The following GSE1 variants were observed in gnomAD, a reference collection of about 807,000 sequenced individuals.
GSE1 encodes the protein genetic suppressor element 1.
GSE1 carries 32 observed loss-of-function variants against 112.6 expected under a neutral mutation model. That is an observed-to-expected ratio of 0.28 (90% CI 0.21 to 0.38). The LOEUF is 0.38. GSE1 is among the 10% of genes least tolerant of loss of function. The pLI is 1.00. For synonymous variants in GSE1, 1,115 were observed against 735.6 expected (o/e 1.52, Z -8.35); for missense variants, 2,348 against 1,699.2 (o/e 1.38, Z -6.71).
intron 1 of GSE1, chr16:85,580,376 G>T (rs2046398746): frequency 6.6e-6 from 1 of 152,276 alleles, no homozygotes. Flanking sequence ...GCCTTGGGCA[G>T]CAGCCGGCCA....
Position 85,657,285 on chromosome 16 carries a change from A to G in GSE1, c.1321A>G (p.Lys441Glu). The change falls in exon 8 of 16, where the codon AAG (lysine) becomes GAG (glutamate). Residue 441 changes from lysine to glutamate, a missense_variant. By Grantham distance (56) the Lys-to-Glu change is moderately conservative. Transcript: ENST00000253458. The part of the protein sequence containing the change: ...QLTPTRAEKL[K>E]DAGLQAPKPV... The stretch of plus-strand genomic sequence containing the variant: ...CGTGTTTCCCCCCACAGAGAAGCTG[A>G]AGGATGCCGGCCTGCAGGCGCCCAA... The G allele has an allele frequency of 1.3e-6, 2 of 1,551,138 alleles. No homozygotes were observed. The highest frequency in any genetic ancestry group is 1.4e-5 in the African/African-American group (1 of 72,790).
chr16:85,208,509 C>T lies in GSE1; in HGVS notation c.2283+36702C>T, dbSNP rs140092982. On this transcript the variant is annotated intron_variant, in intron 1 of 2. Transcript: ENST00000637419. The stretch of plus-strand genomic sequence containing the variant: ...CCTCAGCTCCTGACTCCTTCAGGTC[C>T]TCGTCCCCCACACCACCTGTCCCCT... Among the ~76,000 whole-genome samples the T allele has an allele frequency of 5.0e-3, 757 of 152,310 alleles. 6 individuals carry two copies. Among genetic ancestry groups the T allele is most frequent in the Non-Finnish European group, 8.7e-3 (589 of 68,010 alleles).
intron 1 of GSE1, chr16:85,556,454 G>A (rs1220462097): frequency 2.0e-6 from 1 of 489,330 alleles, no homozygotes; most frequent in Non-Finnish European, 2.6e-6. Context: ...AGACCCCCGA[G>A]CCAGGGTCGG....
intron 15 of GSE1, 166 bp from the exon 16 acceptor site, chr16:85,672,239 C>T (rs1487346733): frequency 1.6e-6 from 1 of 607,768 alleles, no homozygotes; most frequent in Admixed American, 2.5e-5. Context: ...AGGTGATCTG[C>T]CCGCCTCGAC....
chr16:85,312,866 C>T (rs1357081164), intron 1 of GSE1, among the ~76,000 whole-genome samples: 1 of 152,042 alleles, frequency 6.6e-6, no homozygotes, highest in Non-Finnish European at 1.5e-5. Flanking sequence ...GTGTCCTCTC[C>T]CCACACTGTC....
intron 1 of GSE1, among the ~76,000 whole-genome samples, chr16:85,269,772 G>C (rs145169256): frequency 2.7e-5 from 4 of 149,368 alleles, no homozygotes; most frequent in African/African-American, 9.7e-5. Flanking sequence ...CAGGTCTGCT[G>C]GGGTCTCTGG....
intron 1 of GSE1, among the ~76,000 whole-genome samples, chr16:85,239,694 C>G (rs1189626952): frequency 1.3e-5 from 2 of 152,236 alleles, no homozygotes; most frequent in African/African-American, 4.8e-5. Flanking sequence ...CCGGGTAACT[C>G]CATACCCGAC....
At chr16:85,399,520 C>A (rs1247806811) in intron 2 of GSE1, among the ~76,000 whole-genome samples, 1 of 152,222 alleles carries the variant, frequency 6.6e-6, no homozygotes, top group Non-Finnish European at 1.5e-5. Context: ...TTCACAGCCC[C>A]CATCCTTGCG....
At chr16:85,293,824 C>T (rs1206452724) in intron 1 of GSE1, among the ~76,000 whole-genome samples, 1 of 152,192 alleles carries the variant, frequency 6.6e-6, no homozygotes, top group East Asian at 1.9e-4. Flanking sequence ...TGTCTTCACG[C>T]GGCCTTCTAC....
intron 2 of GSE1, among the ~76,000 whole-genome samples, chr16:85,392,410 C>T (rs972267789): frequency 2.3e-4 from 35 of 152,256 alleles, no homozygotes; most frequent in African/African-American, 7.7e-4. Flanking sequence ...TCCATTGCTT[C>T]GGGCTGGGGA....
At chr16:85,184,228 G>A (rs1475785152) in intron 1 of GSE1, among the ~76,000 whole-genome samples, 1 of 152,188 alleles carries the variant, frequency 6.6e-6, no homozygotes, top group Non-Finnish European at 1.5e-5. Context: ...CTGTCTTTTT[G>A]TTGTTTCTGG....
intron 2 of GSE1, among the ~76,000 whole-genome samples, chr16:85,455,693 G>A (rs776731460): frequency 9.9e-5 from 15 of 152,234 alleles, no homozygotes; most frequent in South Asian, 4.1e-4. Flanking sequence ...TGCCTCCCCC[G>A]CACGAGACTT....
chr16:85,230,615 C>T (rs1198218251), intron 1 of GSE1, among the ~76,000 whole-genome samples: 18 of 152,196 alleles, frequency 1.2e-4, no homozygotes, highest in Admixed American at 1.2e-3. Flanking sequence ...TGGCCACCAG[C>T]AGTTCTAGGC....
At chr16:85,484,581 G>A (rs2050776320) in intron 2 of GSE1, among the ~76,000 whole-genome samples, 1 of 152,242 alleles carries the variant, frequency 6.6e-6, no homozygotes, top group Non-Finnish European at 1.5e-5. Context: ...TCAGGGGCCA[G>A]GCCCATTGGA....
At chr16:85,298,057 T>C (rs960798152) in intron 1 of GSE1, among the ~76,000 whole-genome samples, 2 of 152,190 alleles carry the variant, frequency 1.3e-5, no homozygotes, top group Non-Finnish European at 2.9e-5. Context: ...AAGGCTGTAA[T>C]CTCCATTCTC....
At chr16:85,633,799 C>G (rs538416190) in intron 1 of GSE1, 115 bp from the exon 2 acceptor site, 2 of 728,058 alleles carry the variant, frequency 2.7e-6, no homozygotes, top group Admixed American at 2.4e-5. Context: ...CTGGAGCCCC[C>G]GGGGCTGCCC....
chr16:85,209,701 C>T lies in GSE1; in HGVS notation c.2283+37894C>T, dbSNP rs922129867. On this transcript the variant is annotated intron_variant, in intron 1 of 2. Coordinates refer to the GSE1 transcript ENST00000637419. ...AGATCGAGGTGCATGGCCATGGTCA[C>T]GACACGTGATCCCGAGGCTGGGAGG... Among the ~76,000 whole-genome samples the T allele has an allele frequency of 7.9e-5, 12 of 152,348 alleles. No homozygotes were observed. In the South Asian group the frequency reaches 1.2e-3, roughly 16 times the overall value.
intron 1 of GSE1, among the ~76,000 whole-genome samples, chr16:85,271,981 T>C (rs1597249207): frequency 6.6e-6 from 1 of 152,132 alleles, no homozygotes; most frequent in Admixed American, 6.5e-5. Flanking sequence ...TCTGCAAGGG[T>C]TCCCCTTCCA....
At chr16:85,624,523 G>A (rs978515617) in intron 1 of GSE1, among the ~76,000 whole-genome samples, 3 of 152,244 alleles carry the variant, frequency 2.0e-5, no homozygotes. Flanking sequence ...CCGCCACAGG[G>A]TGAGAGCTGC....
Sources: allele counts gnomAD v4.1 joint callset (sites outside exome capture counted in the v4.1 genomes callset), GRCh38; gene constraint gnomAD v4.1.1; transcripts MANE v1.5; gene names NCBI Gene and HGNC (gene_info 2026-07-23, HGNC 2026-07-21).